The following SORCS3 variants were observed in gnomAD, a reference collection of about 807,000 sequenced individuals.
SORCS3 encodes VPS10 domain-containing receptor SorCS3.
In SORCS3, 57 loss-of-function variants were observed where a neutral mutation model predicts 146.3. The observed-to-expected ratio is 0.39, with a 90% CI of 0.31 to 0.49. The LOEUF is 0.49. Among genes scored for constraint, SORCS3 ranks in the 20% least tolerant of loss-of-function variants. The pLI, the probability that SORCS3 is intolerant of heterozygous loss-of-function variation, is 0.92. For missense variants in SORCS3, 1,341 were observed against 1,575.5 expected, an observed-to-expected ratio of 0.85 and a Z score of 2.52; for synonymous variants, 653 against 618.5, an observed-to-expected ratio of 1.06 and a Z score of -0.83.
At chr10:104,794,960 G>T (rs1405383820) in intron 1 of SORCS3, among the ~76,000 whole-genome samples, 3 of 152,142 alleles carry the variant, frequency 2.0e-5, no homozygotes, top group Non-Finnish European at 4.4e-5. Context: ...CAGCACAATA[G>T]GAGCTGGTCT....
chr10:105,011,246 G>C (rs1439601592), intron 4 of SORCS3, among the ~76,000 whole-genome samples: 1 of 152,156 alleles, frequency 6.6e-6, no homozygotes, highest in South Asian at 2.1e-4. Context: ...AGTTCAATGA[G>C]TTTTGAGAGT....
intron 5 of SORCS3, among the ~76,000 whole-genome samples, chr10:105,047,220 A>G (rs896139042): frequency 6.6e-6 from 1 of 151,896 alleles, no homozygotes; most frequent in African/African-American, 2.4e-5. Flanking sequence ...CTCTCCTAAC[A>G]TGCTCAGCCT....
At chr10:104,969,918 A>G (rs574213863) in intron 3 of SORCS3, among the ~76,000 whole-genome samples, 16 of 152,166 alleles carry the variant, frequency 1.1e-4, no homozygotes, top group Non-Finnish European at 1.5e-4. Flanking sequence ...AAGATATTCA[A>G]TGGTAACCCT....
intron 20 of SORCS3, among the ~76,000 whole-genome samples, chr10:105,243,613 T>C (rs1227103636): frequency 6.6e-6 from 1 of 152,170 alleles, no homozygotes; most frequent in Non-Finnish European, 1.5e-5. Flanking sequence ...GTCATAAGTA[T>C]GGGAAAGAAT....
intron 16 of SORCS3, among the ~76,000 whole-genome samples, chr10:105,204,707 A>C (rs1021238953): frequency 1.3e-5 from 2 of 151,992 alleles, no homozygotes; most frequent in Non-Finnish European, 2.9e-5. Context: ...AAACAAAAAA[A>C]AAACTCACAC....
At chr10:104,886,158 C>G (rs553617485) in intron 2 of SORCS3, among the ~76,000 whole-genome samples, 53 of 152,178 alleles carry the variant, frequency 3.5e-4, no homozygotes, top group Non-Finnish European at 5.6e-4. Flanking sequence ...TACTTTTTTT[C>G]TAGTAAGACT....
chr10:105,157,297 G>A lies in SORCS3; in HGVS notation c.1629+13G>A. 2 of 1,613,486 alleles carry A rather than the reference G, an allele frequency of 1.2e-6. No individual in the cohort carries two copies. The highest frequency in any genetic ancestry group is 1.7e-6 in the Non-Finnish European group (2 of 1,179,588). Reference sequence around the variant, plus strand: ...GCACTGCCTGCTGGTCAGTCACTCAGCCTCATGGGAAGTTCACAGGGCAGG... The same window carrying A: ...GCACTGCCTGCTGGTCAGTCACTCAACCTCATGGGAAGTTCACAGGGCAGG... On this transcript the variant is annotated intron_variant, in intron 10 of 26. Transcript: ENST00000369701.
intron 12 of SORCS3, among the ~76,000 whole-genome samples, chr10:105,164,845 T>C (rs1041340013): frequency 5.3e-5 from 8 of 152,158 alleles, no homozygotes; most frequent in Non-Finnish European, 1.0e-4. Flanking sequence ...CTGTCTTGAG[T>C]AAGTATGAAA....
At chr10:104,936,767 C>CA (rs1426564492) in intron 3 of SORCS3, among the ~76,000 whole-genome samples, 1 of 152,210 alleles carries the variant, frequency 6.6e-6, no homozygotes, top group Non-Finnish European at 1.5e-5. Context: ...AGACTGCTAT[C>CA]AATTCAGCAA....
intron 1 of SORCS3, among the ~76,000 whole-genome samples, chr10:104,783,176 C>T (rs988681957): frequency 2.6e-5 from 4 of 152,224 alleles, no homozygotes; most frequent in East Asian, 1.9e-4. Flanking sequence ...TCCATATGTG[C>T]GGATTGTGAT....
chr10:104,838,897 G>A lies in SORCS3; in HGVS notation c.628-3895G>A, dbSNP rs116699417. Among the ~76,000 whole-genome samples the A allele has an allele frequency of 9.3e-3, 1,411 of 152,276 alleles. 17 individuals are homozygous for A. Among genetic ancestry groups the A allele is most frequent in the African/African-American group, 0.032 (1,334 of 41,552 alleles). On this transcript the variant is annotated intron_variant, in intron 1 of 26. Transcript: ENST00000369701. Reference sequence around the variant, plus strand: ...TTAACAGGCTCCCCAGTGGCTCTTAGGCTCCGGCTTTATTCATGGAATGGG... The same window carrying A: ...TTAACAGGCTCCCCAGTGGCTCTTAAGCTCCGGCTTTATTCATGGAATGGG...
chr10:105,165,566 C>T (rs1458247424), intron 12 of SORCS3, among the ~76,000 whole-genome samples: 3 of 152,124 alleles, frequency 2.0e-5, no homozygotes, highest in East Asian at 3.9e-4. Flanking sequence ...GCAAGGCACA[C>T]AGTCAATAAT....
chr10:104,988,331 A>T (rs2054974156), intron 4 of SORCS3, among the ~76,000 whole-genome samples: 2 of 152,176 alleles, frequency 1.3e-5, no homozygotes, highest in African/African-American at 4.8e-5. Flanking sequence ...AAAATCAGCC[A>T]TGTGGAAACC....
At chr10:104,807,990 G>A (rs567059636) in intron 1 of SORCS3, among the ~76,000 whole-genome samples, 22 of 152,246 alleles carry the variant, frequency 1.4e-4, no homozygotes, top group African/African-American at 4.3e-4. Flanking sequence ...GTTCACAGTC[G>A]TAAATAATAT....
intron 2 of SORCS3, among the ~76,000 whole-genome samples, chr10:104,884,717 T>C (rs916695158): frequency 6.6e-6 from 1 of 152,058 alleles, no homozygotes; most frequent in Non-Finnish European, 1.5e-5. Context: ...ACAGAACATT[T>C]GGGTTCAAGG....
At chr10:105,224,212 C>T (rs1307285989) in intron 20 of SORCS3, among the ~76,000 whole-genome samples, 2 of 152,126 alleles carry the variant, frequency 1.3e-5, no homozygotes, top group Non-Finnish European at 2.9e-5. Flanking sequence ...GTTTCACTAC[C>T]CTGAAAATGC....
At position 104,920,719 on chromosome 10, in the gene SORCS3, G is replaced by T. The variant is rs1388929557; in HGVS notation, c.795+4787G>T. Among the ~76,000 whole-genome samples the T allele has an allele frequency of 2.6e-5, 4 of 152,194 alleles. No individual in the cohort carries two copies. In the South Asian group the frequency reaches 8.3e-4, roughly 32 times the overall value. ...ACTGGGAGTACTGTCTTTATCACAG[G>T]CTGTGAGCAGGGTATAATCATTTCA... On this transcript the variant is annotated intron_variant, in intron 3 of 26. Transcript: ENST00000369701.
At chr10:104,983,179 T>A (rs1195566417) in intron 4 of SORCS3, among the ~76,000 whole-genome samples, 1 of 152,090 alleles carries the variant, frequency 6.6e-6, no homozygotes, top group Non-Finnish European at 1.5e-5. Context: ...TTTATATTTT[T>A]ATGTAGAGAT....
At chr10:104,752,126 C>A (rs895201451) in intron 1 of SORCS3, among the ~76,000 whole-genome samples, 1 of 150,974 alleles carries the variant, frequency 6.6e-6, no homozygotes, top group Non-Finnish European at 1.5e-5. Context: ...CCTCCGCCTC[C>A]CAGGTTTAAG....
Sources: allele counts gnomAD v4.1 joint callset (sites outside exome capture counted in the v4.1 genomes callset), GRCh38; gene constraint gnomAD v4.1.1; transcripts MANE v1.5; gene names NCBI Gene and HGNC (gene_info 2026-07-23, HGNC 2026-07-21).